CDYL: variants seen among roughly 807,000 people sequenced by gnomAD.
The protein encoded by CDYL is chromodomain Y-like protein.
CDYL carries 8 observed loss-of-function variants against 47.3 expected under a neutral mutation model. The observed-to-expected ratio is 0.17, with a 90% CI of 0.10 to 0.31. CDYL has a LOEUF of 0.31. Among genes scored for constraint, CDYL ranks in the 10% least tolerant of loss-of-function variants. The pLI is 1.00. For missense variants in CDYL, 471 were observed against 701.4 expected, an observed-to-expected ratio of 0.67 and a Z score of 3.71; for synonymous variants, 266 against 265.0, an observed-to-expected ratio of 1.00 and a Z score of -0.04.
intron 5 of CDYL, among the ~76,000 whole-genome samples, chr6:4,945,386 G>C (rs1758480981): frequency 1.3e-5 from 2 of 152,150 alleles, no homozygotes; most frequent in South Asian, 2.1e-4. Context: ...AGGCCAGACT[G>C]TGTCCCCCAG....
rs900737856 is a variant in CDYL at position 4,939,060 on chromosome 6, G to A, written c.1121+1323G>A. On this transcript the variant is annotated intron_variant, in intron 4 of 6. Transcript: ENST00000397588. The stretch of plus-strand genomic sequence containing the variant: ...TGGCCCCCATAAACCCTTTGTGCTT[G>A]CCTTTTTAACTTACAGAGGATGAAA... 2.6e-5 allele frequency among the ~76,000 whole-genome samples: 4 copies of A among 152,124 alleles called. No homozygotes were observed. The East Asian group carries it at 7.7e-4, about 29-fold the overall frequency.
chr6:4,837,380 T>G (rs972372667), intron 1 of CDYL, among the ~76,000 whole-genome samples: 2 of 152,168 alleles, frequency 1.3e-5, no homozygotes, highest in African/African-American at 4.8e-5. Context: ...TTTCAAAAAA[T>G]TATGAAGTAA....
intron 3 of CDYL, among the ~76,000 whole-genome samples, chr6:4,764,327 T>C (rs1758220014): frequency 6.6e-6 from 1 of 152,216 alleles, no homozygotes; most frequent in Non-Finnish European, 1.5e-5. Context: ...TCTTGCTCTG[T>C]TGCCCAGGCT....
At chr6:4,848,816 A>G (rs547437229) in intron 1 of CDYL, among the ~76,000 whole-genome samples, 33 of 152,344 alleles carry the variant, frequency 2.2e-4, no homozygotes, top group African/African-American at 7.7e-4. Flanking sequence ...CTTCTCTGTG[A>G]AGCCTGGTGG....
chr6:4,847,367 AT>A (rs1475511811), intron 1 of CDYL, among the ~76,000 whole-genome samples: 11 of 152,062 alleles, frequency 7.2e-5, no homozygotes, highest in Non-Finnish European at 1.6e-4. Context: ...TTTTCCCCAC[AT>A]TCTTTCAGCA....
At position 4,738,649 on chromosome 6, in the gene CDYL, T is replaced by G. The variant is rs1350712407; in HGVS notation, c.186+3805T>G. Among the ~76,000 whole-genome samples, 21 of 152,260 alleles carry G rather than the reference T, an allele frequency of 1.4e-4. No individual in the cohort carries two copies. The East Asian group carries it at 3.9e-3, about 28-fold the overall frequency. Reference sequence around the variant, plus strand: ...ATTATCCAGCAAAGTGAAAAATGAGTACAACCTCTGACCCAATTCTGCTTC... The same window carrying G: ...ATTATCCAGCAAAGTGAAAAATGAGGACAACCTCTGACCCAATTCTGCTTC... On this transcript the variant is annotated intron_variant, in intron 3 of 8. Transcript: ENST00000328908.
At chr6:4,827,975 T>C (rs1760025729) in intron 1 of CDYL, among the ~76,000 whole-genome samples, 2 of 152,208 alleles carry the variant, frequency 1.3e-5, no homozygotes, top group South Asian at 4.1e-4. Context: ...TCTTAAGTCA[T>C]GTGTGAAAGA....
At position 4,799,731 on chromosome 6, in the gene CDYL, G is replaced by A. The variant is rs140461391; in HGVS notation, c.24+22924G>A. ...GAGATTACAGAGCATGAGCCATTGCGCCCAGCCAAGATCTCTCATCTCTTT... is the reference window on the plus strand; with the variant it reads ...GAGATTACAGAGCATGAGCCATTGCACCCAGCCAAGATCTCTCATCTCTTT... On this transcript the variant is annotated intron_variant, in intron 1 of 6. Coordinates refer to ENST00000397588, the MANE Select transcript of CDYL (RefSeq NM_004824.4). Among the ~76,000 whole-genome samples the A allele has an allele frequency of 4.5e-3, 692 of 152,220 alleles. 3 individuals are homozygous for A. The highest frequency in any genetic ancestry group is 7.1e-3 in the Non-Finnish European group (483 of 68,022).
chr6:4,933,706 A>G (rs537374087), intron 2 of CDYL, among the ~76,000 whole-genome samples: 105 of 152,260 alleles, frequency 6.9e-4, no homozygotes, highest in African/African-American at 2.5e-3. Flanking sequence ...GGACTCAGCA[A>G]CACCTTTGCT....
At chr6:4,847,712 T>G (rs1418751301) in intron 1 of CDYL, among the ~76,000 whole-genome samples, 2 of 152,238 alleles carry the variant, frequency 1.3e-5, no homozygotes, top group African/African-American at 4.8e-5. Context: ...ATTTCATACT[T>G]TAAAAATTGA....
At chr6:4,948,138 C>A (rs564929284) in intron 5 of CDYL, among the ~76,000 whole-genome samples, 6 of 152,178 alleles carry the variant, frequency 3.9e-5, no homozygotes, top group Non-Finnish European at 8.8e-5. Context: ...TCCTCATCCT[C>A]TGGAACATCC....
chr6:4,779,963 T>C (rs1758566556), intron 1 of CDYL, among the ~76,000 whole-genome samples: 1 of 152,200 alleles, frequency 6.6e-6, no homozygotes, highest in South Asian at 2.1e-4. Context: ...TGTGTTTTTT[T>C]TCCAATCACT....
At chr6:4,935,866 TA>T (rs1167602734) in intron 3 of CDYL, 95 bp downstream of exon 3, 17 of 1,550,954 alleles carry the variant, frequency 1.1e-5, no homozygotes, top group Non-Finnish European at 1.3e-5. Context: ...GTGCTCTTTC[TA>T]AACCTCCTTT....
At chr6:4,898,844 T>C (rs542600847) in intron 2 of CDYL, among the ~76,000 whole-genome samples, 5 of 152,350 alleles carry the variant, frequency 3.3e-5, no homozygotes, top group Admixed American at 6.5e-5. Context: ...TATTTTCCAA[T>C]GATTGATGTC....
intron 3 of CDYL, among the ~76,000 whole-genome samples, chr6:4,737,266 T>C (rs28496142): frequency 0.028 from 4,204 of 152,208 alleles, 204 homozygotes; most frequent in African/African-American, 0.096. Context: ...GAAGGAACGA[T>C]GGGGGAAATT....
intron 3 of CDYL, among the ~76,000 whole-genome samples, chr6:4,766,485 A>G (rs148078659): frequency 4.2e-4 from 64 of 152,268 alleles, no homozygotes; most frequent in African/African-American, 1.4e-3. Flanking sequence ...TTCTGGGATT[A>G]CAGGTGTGAG....
chr6:4,768,511 A>G (rs929245182), intron 3 of CDYL, among the ~76,000 whole-genome samples: 2 of 152,224 alleles, frequency 1.3e-5, no homozygotes, highest in South Asian at 2.1e-4. Context: ...GAATCTGATC[A>G]AGGAAATAAA....
At chr6:4,816,927 G>T (rs899257540) in intron 1 of CDYL, among the ~76,000 whole-genome samples, 1 of 152,064 alleles carries the variant, frequency 6.6e-6, no homozygotes, top group Non-Finnish European at 1.5e-5. Context: ...GTGTACTGAG[G>T]TTCCACTTGC....
intron 2 of CDYL, among the ~76,000 whole-genome samples, chr6:4,895,777 A>G (rs1161769937): frequency 1.3e-5 from 2 of 152,208 alleles, no homozygotes; most frequent in Admixed American, 6.5e-5. Flanking sequence ...AACAATTCGC[A>G]ACAAGAACCT....
Sources: gnomAD v4.1 joint callset for allele counts (sites outside exome capture counted in the v4.1 genomes callset) on GRCh38, gnomAD v4.1.1 for gene constraint, MANE v1.5 for transcripts, NCBI Gene and HGNC (gene_info 2026-07-23, HGNC 2026-07-21) for gene names.